The following MPP2 variants were observed in gnomAD, a reference collection of about 807,000 sequenced individuals.
The protein encoded by MPP2 is MAGUK p55 subfamily member 2.
A neutral mutation model predicts 58.5 loss-of-function variants in MPP2; 42 were observed. The observed-to-expected ratio is 0.72, with a 90% CI of 0.56 to 0.93. The LOEUF is 0.93. Among genes scored for constraint, MPP2 ranks in the 40% least tolerant of loss-of-function variants. The pLI is 0.00. For missense variants in MPP2, 632 were observed against 760.4 expected, an observed-to-expected ratio of 0.83 and a Z score of 1.99; for synonymous variants, 300 against 307.8, an observed-to-expected ratio of 0.97 and a Z score of 0.26.
intron 3 of MPP2, among the ~76,000 whole-genome samples, chr17:43,887,050 CAAAA>C (rs35016242): frequency 7.0e-6 from 1 of 141,890 alleles, no homozygotes; most frequent in Non-Finnish European, 1.5e-5. Context: ...TTTTTGCATG[CAAAA>C]AAAAAAAAAA....
chr17:43,903,275 C>CA (rs5820512), intron 2 of MPP2, among the ~76,000 whole-genome samples: 21 of 138,756 alleles, frequency 1.5e-4, no homozygotes, highest in African/African-American at 1.9e-4. Flanking sequence ...GACTCCATCT[C>CA]AAAAAAAAAA....
intron 2 of MPP2, among the ~76,000 whole-genome samples, chr17:43,902,919 T>C (rs978550540): frequency 2.6e-5 from 4 of 152,170 alleles, no homozygotes; most frequent in African/African-American, 9.7e-5. Flanking sequence ...AATATACCTT[T>C]TGTGCATGGA....
rs2047936571 is a variant in MPP2, at chr17:43,898,310, G to A, written c.102C>T (p.Ile34=). 2 of 1,614,240 alleles carry A rather than the reference G, an allele frequency of 1.2e-6. No individual in the cohort carries two copies. Among genetic ancestry groups the A allele is most frequent in the South Asian group, 1.1e-5 (1 of 91,090 alleles). The change falls in exon 3 of 13, where the codon ATC becomes ATT. Residue 34 remains isoleucine, a synonymous_variant. Coordinates refer to ENST00000269095, the MANE Select transcript of MPP2 (RefSeq NM_005374.5). ...SATGAAELDL[I]FLRGIMESPI... ...GACTTTCCATAATGCCTCGAAGGAA[G>A]ATCAGGTCCAGCTCTGCAGCCCCCG...
At chr17:43,901,462 C>T (rs979557065) in intron 2 of MPP2, 9 of 985,362 alleles carry the variant, frequency 9.1e-6, no homozygotes, top group East Asian at 1.1e-4. Flanking sequence ...GACTCAGCTC[C>T]GCTCCGGTGA....
At chr17:43,888,672 G>A (rs1485629764) in intron 3 of MPP2, among the ~76,000 whole-genome samples, 1 of 152,160 alleles carries the variant, frequency 6.6e-6, no homozygotes. Flanking sequence ...GTCCACGGAT[G>A]GAGGACAAGT....
chr17:43,905,408 C>T, intron 1 of MPP2: 1 of 152,406 alleles, frequency 6.6e-6, no homozygotes. Flanking sequence ...TCCTCTCTCC[C>T]TTTCTTAGCT....
intron 3 of MPP2, among the ~76,000 whole-genome samples, chr17:43,892,792 C>T (rs1005907037): frequency 1.3e-5 from 2 of 152,176 alleles, no homozygotes; most frequent in Non-Finnish European, 2.9e-5. Context: ...AGGGAGTTTA[C>T]TTACAATGTG....
rs892968139 is a variant in MPP2 at position 43,880,833 on chromosome 17, C to T, written c.1008G>A (p.Leu336=). The T allele has an allele frequency of 1.2e-5, 20 of 1,604,344 alleles. No homozygotes were observed. The highest frequency in any genetic ancestry group is 1.7e-4 in the Middle Eastern group (1 of 6,044). ...TKNAEFDRHE[L]LIYEEVARMP... is the part of the protein sequence containing the mutation. ...TGCGGGCCACCTCCTCATAAATGAG[C>T]AGCTCATGACGGTCAAACTCTGGAC... The change falls in exon 10 of 13, where the codon CTG becomes CTA. Residue 336 remains leucine (L), a synonymous_variant. Transcript: ENST00000269095. This position sits in a 1 kb window ranked among gnomAD's most constrained non-coding sequence, Gnocchi z 5.2.
At chr17:43,908,034 G>C, upstream of MPP2, 1 of 942,062 alleles carries the variant, frequency 1.1e-6, no homozygotes, top group Non-Finnish European at 1.3e-6. Flanking sequence ...TCAGAGGGTG[G>C]ATATCCGGAT....
Position 43,877,601 on chromosome 17 carries a change from G to A in MPP2, c.*206C>T. The A allele has an allele frequency of 1.7e-6, 1 of 597,552 alleles. No individual in the cohort carries two copies. The highest frequency in any genetic ancestry group is 3.0e-6 in the Non-Finnish European group (1 of 333,874). The allele number at this position is 597,552 out of a possible 1,614,324, so 37.0% of individuals were successfully genotyped here. A position where few individuals can be genotyped will look rare whatever the true frequency, so the allele number is the denominator to read the frequency against. ...TGGGCATCAGGAGTGGGCAGCACCT[G>A]GGCACAAGGTACCCCATGAATGCCC... is the stretch of plus-strand genomic sequence containing the variant. On this transcript the variant is annotated 3_prime_UTR_variant, in exon 13 of 13. Transcript: ENST00000269095.
At chr17:43,878,231 A>G (rs1290706189) in intron 12 of MPP2, among the ~76,000 whole-genome samples, 1 of 152,200 alleles carries the variant, frequency 6.6e-6, no homozygotes, top group Non-Finnish European at 1.5e-5. Flanking sequence ...TTTGCATGCC[A>G]CATAATCTTC....
chr17:43,882,407 C>G lies in MPP2; in HGVS notation c.558G>C (p.Lys186Asn). The G allele has an allele frequency of 6.2e-7, 1 of 1,611,436 alleles. No individual in the cohort carries two copies. Among genetic ancestry groups the G allele is most frequent in the Non-Finnish European group, 8.5e-7 (1 of 1,179,966 alleles). Residue 186 changes from lysine (K) to asparagine (N), a missense_variant, in exon 6 of 13, where the codon AAG (lysine) becomes AAC (asparagine). By Grantham distance (94) the Lys-to-Asn change is moderately conservative (BLOSUM62 0). Transcript: ENST00000269095. The stretch of plus-strand genomic sequence containing the variant: ...TGCCCACTGGCTGCCCGTTCACCTC[C>G]TTGATGATGTCACCCACATGCAGCA... ...QGLLHVGDII[K>N]EVNGQPVGSD...
Position 43,907,493 on chromosome 17 carries a change from T to A in MPP2, c.-53A>T. On this transcript the variant is annotated 5_prime_UTR_variant, in exon 1 of 13. Coordinates refer to ENST00000269095, the MANE Select transcript of MPP2 (RefSeq NM_005374.5). ...GCCTACCTGCGCCCCGGGAAGCCCC[T>A]AGCTCCGGGCGGCTCCAGCGCAGCC... The A allele has an allele frequency of 1.0e-6, 1 of 985,496 alleles. No individual in the cohort carries two copies. Among genetic ancestry groups the A allele is most frequent in the Non-Finnish European group, 1.2e-6 (1 of 829,954 alleles). The allele number at this position is 985,496 out of a possible 1,614,324, so 61.0% of individuals were successfully genotyped here. A position where few individuals can be genotyped will look rare whatever the true frequency, so the allele number is the denominator to read the frequency against.
chr17:43,889,592 C>T (rs2047513844), intron 3 of MPP2, among the ~76,000 whole-genome samples: 1 of 151,718 alleles, frequency 6.6e-6, no homozygotes, highest in African/African-American at 2.4e-5. Flanking sequence ...AACTCCAGAC[C>T]TCAGGTGATC....
At position 43,877,839 on chromosome 17, in the gene MPP2, GCT is replaced by G; in HGVS notation, c.1625_1626del (p.Glu542AlafsTer28). On this transcript the variant is annotated frameshift_variant, in exon 13 of 13. Coordinates refer to ENST00000269095, the MANE Select transcript of MPP2 (RefSeq NM_005374.5). LOFTEE classifies it high-confidence loss of function. ...LQTAMEKLRT[E>X]PQWVPVSWVY is the part of the protein sequence containing the mutation. ...ACCCAGCTGACAGGCACCCACTGGG[GCT>G]CTGTCCGTAGCTTCTCCATGGCTGT... 1 of 1,613,960 alleles carries G rather than the reference GCT, an allele frequency of 6.2e-7. No individual in the cohort carries two copies. Among genetic ancestry groups the G allele is most frequent in the Non-Finnish European group, 8.5e-7 (1 of 1,179,880 alleles).
rs1034205489 is a variant in MPP2, at chr17:43,880,555, G to A, written c.1150+136C>T. On this transcript the variant is annotated intron_variant, in intron 10 of 12. Coordinates refer to ENST00000269095, the MANE Select transcript of MPP2 (RefSeq NM_005374.5). The surrounding 1 kb of genome is among the most constrained non-coding windows in gnomAD (Gnocchi z 5.2). ...GTTCCCCTAACCACCCACAGAGGGC[G>A]TGCACCCCAACCCGTGTACCCAAAG... 25 of 973,048 alleles carry A rather than the reference G, an allele frequency of 2.6e-5. No individual in the cohort carries two copies. The highest frequency in any genetic ancestry group is 6.6e-5 in the African/African-American group (4 of 60,564). The allele number at this position is 973,048 out of a possible 1,614,324, so 60.3% of individuals were successfully genotyped here.
chr17:43,907,544 A>T, upstream of MPP2: 1 of 985,484 alleles, frequency 1.0e-6, no homozygotes, highest in South Asian at 4.7e-5. Flanking sequence ...ATTGCTTGTC[A>T]ATCGCTAGCC....
intron 3 of MPP2, among the ~76,000 whole-genome samples, chr17:43,884,566 C>T (rs2047284504): frequency 6.6e-6 from 1 of 152,164 alleles, no homozygotes; most frequent in Non-Finnish European, 1.5e-5. Context: ...TGCTCTACCA[C>T]TAGATTTAGT....
chr17:43,883,274 G>T lies in MPP2; in HGVS notation c.232C>A (p.Leu78Met). Residue 78 changes from leucine (L) to methionine (M), a missense_variant, in exon 4 of 13, where the codon CTG becomes ATG. Physicochemically the swap from Leu to Met is conservative, Grantham distance 15. Transcript: ENST00000269095. ...LELVQEILRD[L>M]AQLAEQSSTA... ...CTGCTCTGCTCAGCCAGCTGCGCCAGGTCCCGCAGGATCTCCTGCACCAGC... is the reference window on the plus strand; with the variant it reads ...CTGCTCTGCTCAGCCAGCTGCGCCATGTCCCGCAGGATCTCCTGCACCAGC... 6.2e-7 allele frequency: 1 copy of T among 1,612,720 alleles called. No individual in the cohort carries two copies.
Sources: gnomAD v4.1 joint callset for allele counts (sites outside exome capture counted in the v4.1 genomes callset) on GRCh38, gnomAD v4.1.1 for gene constraint, Gnocchi (gnomAD v3.1) non-coding constraint, MANE v1.5 for transcripts, NCBI Gene and HGNC (gene_info 2026-07-23, HGNC 2026-07-21) for gene names.